The following CAST variants were observed in gnomAD, a reference collection of about 807,000 sequenced individuals.
CAST encodes calpastatin.
CAST carries 76 observed loss-of-function variants against 119.6 expected under a neutral mutation model. The observed-to-expected ratio is 0.64, with a 90% CI of 0.53 to 0.77. The LOEUF is 0.77. CAST is among the 30% of genes least tolerant of loss of function. CAST has a pLI of 0.00. For missense variants in CAST, 953 were observed against 946.5 expected, an observed-to-expected ratio of 1.01 and a Z score of -0.09; for synonymous variants, 319 against 331.6, an observed-to-expected ratio of 0.96 and a Z score of 0.41.
At chr5:96,022,815 A>G in the CAST span, among the ~76,000 whole-genome samples, 2 of 152,198 alleles carry the variant, frequency 1.3e-5, no homozygotes, top group African/African-American at 2.4e-5. Flanking sequence ...TTGATGTTTC[A>G]GTCTTGTGGA....
chr5:96,062,104 C>A, the CAST span, among the ~76,000 whole-genome samples: 3 of 152,268 alleles, frequency 2.0e-5, no homozygotes, highest in Non-Finnish European at 4.4e-5. Flanking sequence ...GGGAAGTCAG[C>A]ATCACTATCC....
intron 25 of CAST, among the ~76,000 whole-genome samples, chr5:96,764,465 AT>A (rs567920068): frequency 1.3e-5 from 2 of 152,156 alleles, no homozygotes; most frequent in South Asian, 4.1e-4. Context: ...CATTTCTGCA[AT>A]TTCACTTCCA....
intron 3 of CAST, among the ~76,000 whole-genome samples, chr5:96,717,560 A>G (rs1388815836): frequency 6.6e-6 from 1 of 152,216 alleles, no homozygotes; most frequent in African/African-American, 2.4e-5. Context: ...AATTGTTACT[A>G]TTTCAATTTT....
At chr5:96,712,317 C>G (rs111538818) in intron 3 of CAST, among the ~76,000 whole-genome samples, 16 of 152,054 alleles carry the variant, frequency 1.1e-4, no homozygotes, top group African/African-American at 3.6e-4. Context: ...CATGACACAA[C>G]TTTTTTTCTT....
At chr5:96,237,593 A>G in the CAST span, among the ~76,000 whole-genome samples, 2 of 152,182 alleles carry the variant, frequency 1.3e-5, no homozygotes, top group African/African-American at 4.8e-5. Flanking sequence ...ATCTTTGCCA[A>G]AGCTTTACAT....
intron 3 of CAST, chr5:96,702,817 C>T (rs1754119733): frequency 1.0e-6 from 1 of 985,468 alleles, no homozygotes; most frequent in South Asian, 4.7e-5. Context: ...GAGAGCTGGG[C>T]TGGAGCTCCA....
intron 1 of CAST, among the ~76,000 whole-genome samples, chr5:96,554,737 G>A (rs1223938285): frequency 6.6e-6 from 1 of 152,080 alleles, no homozygotes; most frequent in Admixed American, 6.5e-5. Context: ...CAAAAAACGG[G>A]CAAAGGATAT....
chr5:96,287,637 C>A, the CAST span, among the ~76,000 whole-genome samples: 1 of 152,026 alleles, frequency 6.6e-6, no homozygotes, highest in East Asian at 1.9e-4. Flanking sequence ...CTATATAAAA[C>A]ACTTTCAGTA....
At chr5:96,240,058 T>C in the CAST span, among the ~76,000 whole-genome samples, 1 of 152,228 alleles carries the variant, frequency 6.6e-6, no homozygotes, top group Non-Finnish European at 1.5e-5. Context: ...CTATTTCCTA[T>C]ATAGTAGGTA....
At chr5:96,559,159 C>T (rs539223552) in intron 1 of CAST, among the ~76,000 whole-genome samples, 8 of 151,862 alleles carry the variant, frequency 5.3e-5, no homozygotes, top group East Asian at 1.9e-4. Context: ...ATTCAACAAC[C>T]CTTCATGCTA....
the CAST span, among the ~76,000 whole-genome samples, chr5:96,207,937 G>C: frequency 6.6e-6 from 1 of 151,796 alleles, no homozygotes; most frequent in Admixed American, 6.6e-5. Context: ...GGCTTTTTCT[G>C]GTTGTTAGGC....
At chr5:96,458,719 G>T in the CAST span, among the ~76,000 whole-genome samples, 2 of 152,032 alleles carry the variant, frequency 1.3e-5, no homozygotes, top group Admixed American at 1.3e-4. Flanking sequence ...AATCTTTAAA[G>T]TCCTTGATTT....
the CAST span, among the ~76,000 whole-genome samples, chr5:96,214,494 G>T: frequency 6.6e-5 from 10 of 152,132 alleles, no homozygotes; most frequent in African/African-American, 2.4e-4. Flanking sequence ...CAAAATTCTA[G>T]ATCTTAGAAC....
chr5:96,169,337 G>A, the CAST span, among the ~76,000 whole-genome samples: 6 of 152,174 alleles, frequency 3.9e-5, no homozygotes, highest in Non-Finnish European at 7.3e-5. Context: ...AGGCTGGGAT[G>A]AAGGGTGCAA....
At chr5:96,618,725 TGCCGG>T (rs1747526042) in intron 1 of CAST, among the ~76,000 whole-genome samples, 2 of 152,160 alleles carry the variant, frequency 1.3e-5, no homozygotes, top group South Asian at 4.1e-4. Flanking sequence ...CTCGCATTCT[TGCCGG>T]GCCTCAGCTG....
At chr5:96,442,041 C>T in the CAST span, among the ~76,000 whole-genome samples, 1 of 152,196 alleles carries the variant, frequency 6.6e-6, no homozygotes, top group Non-Finnish European at 1.5e-5. Flanking sequence ...ATTCCCACTT[C>T]ACAGGCAAGT....
intron 1 of CAST, among the ~76,000 whole-genome samples, chr5:96,647,085 A>G (rs879526466): frequency 5.3e-5 from 8 of 152,136 alleles, no homozygotes; most frequent in Non-Finnish European, 1.2e-4. Flanking sequence ...AACTGCTGGC[A>G]TGTTTGTGAT....
chr5:96,451,291 G>T, the CAST span, among the ~76,000 whole-genome samples: 2 of 152,138 alleles, frequency 1.3e-5, no homozygotes, highest in Non-Finnish European at 2.9e-5. Flanking sequence ...TCTGTTGAAT[G>T]AATAAATAAA....
chr5:96,064,060 CAG>C, the CAST span, among the ~76,000 whole-genome samples: 3 of 152,174 alleles, frequency 2.0e-5, no homozygotes, highest in South Asian at 2.1e-4. Context: ...CAGGTGGAGA[CAG>C]GGGAATAATT....
Sources: allele counts gnomAD v4.1 joint callset (sites outside exome capture counted in the v4.1 genomes callset), GRCh38; gene constraint gnomAD v4.1.1; transcripts MANE v1.5; gene names NCBI Gene and HGNC (gene_info 2026-07-23, HGNC 2026-07-21).